The following MCM2 variants were observed in gnomAD, a reference collection of about 807,000 sequenced individuals.
MCM2 encodes minichromosome maintenance complex component 2, also known as DNA replication licensing factor MCM2.
Under a neutral mutation model 86.4 loss-of-function variants are expected in MCM2, and 49 were observed. That is an observed-to-expected ratio of 0.57 (90% CI 0.45 to 0.72). The LOEUF is 0.72. Ranked by LOEUF, MCM2 falls within the 30% of genes least tolerant of loss-of-function variation. MCM2 has a pLI of 0.00. For synonymous variants in MCM2, 475 were observed against 484.6 expected, an observed-to-expected ratio of 0.98 and a Z score of 0.26; for missense variants, 1,038 against 1,259.9, an observed-to-expected ratio of 0.82 and a Z score of 2.67.
rs538771114 is a variant in MCM2 at position 127,606,202 on chromosome 3, C to T, written c.758C>T (p.Ala253Val). ...GCCTACTTCCTGCCTGAGGCACCGGCGGAGCTGCTGCAGATCTTTGATGAG... is the reference window on the plus strand; with the variant it reads ...GCCTACTTCCTGCCTGAGGCACCGGTGGAGCTGCTGCAGATCTTTGATGAG... ...VLAYFLPEAP[A>V]ELLQIFDEAA... Residue 253 changes from alanine (A) to valine (V), a missense_variant, in exon 5 of 16, where the codon GCG (alanine) becomes GTG (valine). Transcript: ENST00000265056. The surrounding 1 kb of genome is among the most constrained non-coding windows in gnomAD (Gnocchi z 4.2). The T allele has an allele frequency of 3.4e-5, 55 of 1,614,094 alleles. 1 individual carries two copies. The South Asian group carries it at 4.6e-4, about 14-fold the overall frequency.
chr3:127,607,674 T>G (rs1468122686), intron 6 of MCM2, among the ~76,000 whole-genome samples: 1 of 152,226 alleles, frequency 6.6e-6, no homozygotes, highest in Non-Finnish European at 1.5e-5. Context: ...GGTTAACAGT[T>G]ACAGCTATCA....
At chr3:127,620,137 A>G in intron 13 of MCM2, among the ~76,000 whole-genome samples, 1 of 152,178 alleles carries the variant, frequency 6.6e-6, no homozygotes, top group East Asian at 1.9e-4. Context: ...CTTTGTGTAA[A>G]TTTCACTCTA....
At position 127,618,139 on chromosome 3, in the gene MCM2, C is replaced by G; in HGVS notation, c.2013+58C>G. ...TGTGGTTTGGGGACCTCAGGTGAGG[C>G]TTGGGGTCATACAGTGTGCCCAACA... On this transcript the variant is annotated intron_variant, in intron 12 of 15. Coordinates refer to ENST00000265056, the MANE Select transcript of MCM2 (RefSeq NM_004526.4). This position sits in a 1 kb window ranked among gnomAD's most constrained non-coding sequence, Gnocchi z 4.0. The G allele has an allele frequency of 7.1e-7, 1 of 1,400,778 alleles. No homozygotes were observed. Among genetic ancestry groups the G allele is most frequent in the Non-Finnish European group, 1.0e-6 (1 of 993,982 alleles). The allele number at this position is 1,400,778 out of a possible 1,614,324, so 86.8% of individuals were successfully genotyped here. A position where few individuals can be genotyped will look rare whatever the true frequency, so the allele number is the denominator to read the frequency against.
Position 127,606,859 on chromosome 3 carries a change from G to A in MCM2, c.1101+42G>A. ...GGTCTGCTGCCAGCTGTCCTTAGGGGTGCCCAGTATGCAGGACCTGACTGG... is the reference window on the plus strand; with the variant it reads ...GGTCTGCTGCCAGCTGTCCTTAGGGATGCCCAGTATGCAGGACCTGACTGG... On this transcript the variant is annotated intron_variant, in intron 6 of 15. Coordinates refer to ENST00000265056, the MANE Select transcript of MCM2 (RefSeq NM_004526.4). The surrounding 1 kb of genome is among the most constrained non-coding windows in gnomAD (Gnocchi z 4.2). 6.3e-7 allele frequency: 1 copy of A among 1,598,686 alleles called. No homozygotes were observed. The highest frequency in any genetic ancestry group is 8.6e-7 in the Non-Finnish European group (1 of 1,166,480).
In MCM2 at chr3:127,599,336, A is replaced by G; in HGVS notation, c.25A>G (p.Thr9Ala). The G allele has an allele frequency of 1.2e-5, 19 of 1,614,090 alleles. No homozygotes were observed. The highest frequency in any genetic ancestry group is 1.6e-5 in the Non-Finnish European group (19 of 1,179,996). Residue 9 changes from threonine to alanine, a missense_variant, in exon 2 of 16, where the codon ACC becomes GCC. Transcript: ENST00000265056. MAESSESFTMASSPAQRRR... is the reference protein window; with the variant it reads MAESSESFAMASSPAQRRR... ...CTTGCAGGAATCATCGGAATCCTTC[A>G]CCATGGCATCCAGCCCGGCCCAGCG...
Position 127,617,358 on chromosome 3 carries a change from C to T in MCM2, c.1853C>T (p.Thr618Ile), listed in dbSNP as rs2074441494. ...SISISKAGIV[T>I]SLQARCTVIA... The stretch of plus-strand genomic sequence containing the variant: ...TCCATCTCGAAGGCTGGCATCGTCA[C>T]CTCCCTGCAGGCTCGCTGCACGGTC... The change falls in exon 11 of 16, where the codon ACC (threonine) becomes ATC (isoleucine). Residue 618 changes from threonine to isoleucine, a missense_variant. Physicochemically the swap from Thr to Ile is moderately conservative, Grantham distance 89 (BLOSUM62 -1). Transcript: ENST00000265056. This position sits in a 1 kb window ranked among gnomAD's most constrained non-coding sequence, Gnocchi z 4.1. 1 of 1,614,140 alleles carries T rather than the reference C, an allele frequency of 6.2e-7. No individual in the cohort carries two copies. The highest frequency in any genetic ancestry group is 1.1e-5 in the South Asian group (1 of 91,080).
intron 8 of MCM2, among the ~76,000 whole-genome samples, chr3:127,614,519 G>A (rs1446978765): frequency 2.0e-5 from 3 of 152,012 alleles, no homozygotes; most frequent in African/African-American, 7.3e-5. Context: ...GAAGAAACTG[G>A]GTCATTTGTT....
intron 1 of MCM2, chr3:127,598,718 C>T: frequency 1.8e-6 from 1 of 544,696 alleles, no homozygotes; most frequent in Non-Finnish European, 3.2e-6. Context: ...TCACCCCACA[C>T]ATACTTATTG....
At chr3:127,613,882 A>G (rs1372139533) in intron 8 of MCM2, among the ~76,000 whole-genome samples, 3 of 152,208 alleles carry the variant, frequency 2.0e-5, no homozygotes, top group African/African-American at 7.2e-5. Context: ...TTGCCATGTC[A>G]TCCCATGGCA....
intron 2 of MCM2, among the ~76,000 whole-genome samples, chr3:127,600,329 G>A (rs1576410683): frequency 6.6e-6 from 1 of 152,314 alleles, no homozygotes; most frequent in East Asian, 1.9e-4. Context: ...CTAGGAGAGT[G>A]GAGTAAGCTC....
rs2074335545 is a variant in MCM2 at position 127,605,025 on chromosome 3, CTG to C, written c.545_546del (p.Val182AlafsTer46). ...AACCTGGAGGATCTCAAAGGCCACT[CTG>C]TGCGCGAGTGGGTGAGCATGGCGGG... On this transcript the variant is annotated frameshift_variant, in exon 4 of 16. Coordinates refer to ENST00000265056, the MANE Select transcript of MCM2 (RefSeq NM_004526.4). LOFTEE classifies it high-confidence loss of function. 3.7e-6 allele frequency: 6 copies of C among 1,614,140 alleles called. No homozygotes were observed. The highest frequency in any genetic ancestry group is 2.2e-5 in the East Asian group (1 of 44,886).
At chr3:127,608,324 T>G in intron 6 of MCM2, 58 bp from the exon 7 acceptor site, 6 of 1,591,320 alleles carry the variant, frequency 3.8e-6, no homozygotes, top group Non-Finnish European at 5.2e-6. Context: ...TGTTCGGGGG[T>G]CAAGGTTAGG....
rs142671058 is a variant in MCM2 at position 127,616,273 on chromosome 3, CAT to C, written c.1522+319_1522+320del. ...TTTAAGTACAAAAATACTATTGACA[CAT>C]GAGTTTGTATTTATATTACACTTTT... On this transcript the variant is annotated intron_variant, in intron 9 of 15. Transcript: ENST00000265056. Among the ~76,000 whole-genome samples, 75 of 152,346 alleles carry C rather than the reference CAT, an allele frequency of 4.9e-4. 1 individual carries two copies. In the East Asian group the frequency reaches 0.011, roughly 23 times the overall value.
Position 127,619,292 on chromosome 3 carries a change from C to T in MCM2, c.2265+14C>T, listed in dbSNP as rs372035062. 751 of 1,608,858 alleles carry T rather than the reference C, an allele frequency of 4.7e-4. No homozygotes were observed. Among genetic ancestry groups the T allele is most frequent in the Non-Finnish European group, 6.0e-4 (706 of 1,175,994 alleles). ...AAAGAATCTATGGTGAGAGCCCAGG[C>T]AGAGCCGGGAGGTGCTATGCAGAGA... On this transcript the variant is annotated intron_variant, in intron 13 of 15. Transcript: ENST00000265056.
At chr3:127,608,765 G>A (rs2074369818) in intron 7 of MCM2, 67 bp from the exon 8 acceptor site, 3 of 1,516,238 alleles carry the variant, frequency 2.0e-6, no homozygotes, top group Non-Finnish European at 2.7e-6. Flanking sequence ...AGAAACTGGA[G>A]GAAGGCAGCA....
chr3:127,618,102 G>A lies in MCM2; in HGVS notation c.2013+21G>A, dbSNP rs763173112. 6.3e-7 allele frequency: 1 copy of A among 1,599,736 alleles called. No individual in the cohort carries two copies. The highest frequency in any genetic ancestry group is 2.2e-5 in the East Asian group (1 of 44,786). The stretch of plus-strand genomic sequence containing the variant: ...TCCAGGTATAGCTCACATGTGCCCG[G>A]TTTCCATGAACTGTGGTTTGGGGAC... On this transcript the variant is annotated intron_variant, in intron 12 of 15. Transcript: ENST00000265056. This position sits in a 1 kb window ranked among gnomAD's most constrained non-coding sequence, Gnocchi z 4.0.
At position 127,611,682 on chromosome 3, in the gene MCM2, C is replaced by CTTTT. The variant is rs59607211; in HGVS notation, c.1428+2690_1428+2693dup. ...AAGCCCTGCAGGCTTCTGCAGCTGA[C>CTTTT]TTTTTTTTTTTTTTTTTTTTTTTTT... On this transcript the variant is annotated intron_variant, in intron 8 of 15. Transcript: ENST00000265056. Among the ~76,000 whole-genome samples the CTTTT allele has an allele frequency of 3.6e-3, 198 of 54,296 alleles. 46 individuals carry two copies. Among genetic ancestry groups the CTTTT allele is most frequent in the East Asian group, 0.016 (21 of 1,314 alleles). 35.6% of individuals were successfully genotyped at this position (54,296 alleles called of 152,430 possible).
chr3:127,603,989 A>G (rs1436493815), intron 2 of MCM2, among the ~76,000 whole-genome samples: 1 of 152,046 alleles, frequency 6.6e-6, no homozygotes, highest in Non-Finnish European at 1.5e-5. Flanking sequence ...ATGGGGTCTC[A>G]CTATGTTAAG....
Position 127,606,302 on chromosome 3 carries a change from C to G in MCM2, c.858C>G (p.Ser286=). 1 of 1,614,256 alleles carries G rather than the reference C, an allele frequency of 6.2e-7. No homozygotes were observed. Among genetic ancestry groups the G allele is most frequent in the Non-Finnish European group, 8.5e-7 (1 of 1,180,050 alleles). ...RITNHIHVRI[S]HLPLVEELRS... ...CCAACCACATCCATGTCCGCATCTC[C>G]CACCTGCCTCTGGTGGAGGAGCTGC... Residue 286 remains serine, a synonymous_variant, in exon 5 of 16, where the codon TCC becomes TCG. Transcript: ENST00000265056. This position sits in a 1 kb window ranked among gnomAD's most constrained non-coding sequence, Gnocchi z 4.2.
Sources: allele counts gnomAD v4.1 joint callset (sites outside exome capture counted in the v4.1 genomes callset), GRCh38; gene constraint gnomAD v4.1.1; non-coding constraint Gnocchi (gnomAD v3.1); transcripts MANE v1.5; gene names NCBI Gene and HGNC (gene_info 2026-07-23, HGNC 2026-07-21).